Variants in TANC2 observed in about 807,000 individuals in gnomAD.
TANC2 encodes the protein protein TANC2.
Under a neutral mutation model 210.5 loss-of-function variants are expected in TANC2, and 26 were observed. The ratio of observed to expected loss-of-function variants is 0.12; its 90% CI spans 0.09 to 0.17. The LOEUF (loss-of-function observed/expected upper bound fraction) is 0.17. Ranked by LOEUF, TANC2 falls within the 10% of genes least tolerant of loss-of-function variation. The pLI is 1.00. For synonymous variants in TANC2, 931 were observed against 967.1 expected, an observed-to-expected ratio of 0.96 and a Z score of 0.69; for missense variants, 2,129 against 2,608.9, an observed-to-expected ratio of 0.82 and a Z score of 4.01.
intron 7 of TANC2, among the ~76,000 whole-genome samples, chr17:63,209,248 A>G (rs908657883): frequency 9.9e-5 from 15 of 152,012 alleles, no homozygotes; most frequent in African/African-American, 3.4e-4. Context: ...CCTGGGCTCA[A>G]GCAGTCCGCC....
At chr17:63,142,279 GT>G (rs2039316516) in intron 4 of TANC2, among the ~76,000 whole-genome samples, 1 of 152,074 alleles carries the variant, frequency 6.6e-6, no homozygotes, top group African/African-American at 2.4e-5. Flanking sequence ...TTATTTACTT[GT>G]TATAAATCTA....
At chr17:63,148,674 A>G (rs2145379248) in intron 4 of TANC2, 1 of 152,200 alleles carries the variant, frequency 6.6e-6, no homozygotes, top group African/African-American at 2.4e-5. Context: ...GATTGTTCCT[A>G]CCCATCTCAT....
chr17:63,104,690 C>G (rs1220430884), intron 4 of TANC2, among the ~76,000 whole-genome samples: 2 of 152,176 alleles, frequency 1.3e-5, no homozygotes, highest in African/African-American at 4.8e-5. Context: ...TACACACATG[C>G]ATGCGTTTGT....
intron 2 of TANC2, among the ~76,000 whole-genome samples, chr17:63,010,727 A>G (rs2033829826): frequency 6.6e-6 from 1 of 152,172 alleles, no homozygotes; most frequent in Non-Finnish European, 1.5e-5. Flanking sequence ...ATTTGTTAGA[A>G]TGGTGCACAC....
intron 12 of TANC2, among the ~76,000 whole-genome samples, chr17:63,349,836 C>T (rs17687185): frequency 0.021 from 3,166 of 152,214 alleles, 42 homozygotes; most frequent in South Asian, 0.038. Flanking sequence ...CCAGTTAGTT[C>T]CAAGCAACTC....
chr17:63,415,974 C>G (rs1445669185), intron 26 of TANC2, among the ~76,000 whole-genome samples: 1 of 152,176 alleles, frequency 6.6e-6, no homozygotes, highest in African/African-American at 2.4e-5. Flanking sequence ...GTGTTCTGGT[C>G]TTTGGGAAAA....
chr17:63,241,403 T>TG (rs558579044), intron 8 of TANC2, among the ~76,000 whole-genome samples: 15 of 152,118 alleles, frequency 9.9e-5, no homozygotes, highest in Non-Finnish European at 1.8e-4. Context: ...GGGAAAAAAA[T>TG]GGAGATTTTA....
chr17:63,288,982 G>T (rs758211821), intron 9 of TANC2, among the ~76,000 whole-genome samples: 114 of 152,192 alleles, frequency 7.5e-4, no homozygotes, highest in Non-Finnish European at 1.3e-3. Flanking sequence ...GGTTGGTGGG[G>T]TTTTCTCTCA....
rs1393530295 is a variant in TANC2 at position 63,057,173 on chromosome 17, C to T, written c.68-16770C>T. The stretch of plus-strand genomic sequence containing the variant: ...AAACAGAGAATGCAATGCATATATG[C>T]CATTTTATCCACATAGAAAAATAAG... On this transcript the variant is annotated intron_variant, in intron 2 of 27. Coordinates refer to ENST00000689528, the Ensembl canonical transcript of TANC2. Among the ~76,000 whole-genome samples, 3 of 151,774 alleles carry T rather than the reference C, an allele frequency of 2.0e-5. No homozygotes were observed. In the South Asian group the frequency reaches 6.2e-4, roughly 32 times the overall value.
At chr17:63,137,424 A>G (rs2039127935) in intron 4 of TANC2, among the ~76,000 whole-genome samples, 1 of 152,194 alleles carries the variant, frequency 6.6e-6, no homozygotes, top group African/African-American at 2.4e-5. Flanking sequence ...TTTCTTTTCA[A>G]ATGTGTTTCC....
At chr17:63,277,908 G>A (rs903674561) in intron 9 of TANC2, among the ~76,000 whole-genome samples, 3 of 151,986 alleles carry the variant, frequency 2.0e-5, no homozygotes, top group East Asian at 1.9e-4. Flanking sequence ...ACAGTGGATC[G>A]TGCCTGTATT....
At chr17:63,279,609 C>T (rs1180797565) in intron 9 of TANC2, among the ~76,000 whole-genome samples, 1 of 152,024 alleles carries the variant, frequency 6.6e-6, no homozygotes, top group Non-Finnish European at 1.5e-5. Context: ...AAATACTAAA[C>T]TCCTGAAACC....
At position 63,411,986 on chromosome 17, in the gene TANC2, T is replaced by A; in HGVS notation, c.3766-12T>A. 1 of 1,613,846 alleles carries A rather than the reference T, an allele frequency of 6.2e-7. No homozygotes were observed. The highest frequency in any genetic ancestry group is 8.5e-7 in the Non-Finnish European group (1 of 1,179,828). On this transcript the variant is annotated splice_polypyrimidine_tract_variant and intron_variant, in intron 22 of 27. Coordinates refer to ENST00000689528, the Ensembl canonical transcript of TANC2. Reference sequence around the variant, plus strand: ...CGCCTGTCCTAACTTCTCTGCTTGATCCGTGTCCTAGGTCCAGTTCCTGGT... The same window carrying A: ...CGCCTGTCCTAACTTCTCTGCTTGAACCGTGTCCTAGGTCCAGTTCCTGGT...
chr17:63,007,753 CT>C (rs1390950236), intron 1 of TANC2, among the ~76,000 whole-genome samples: 1 of 151,980 alleles, frequency 6.6e-6, no homozygotes, highest in Non-Finnish European at 1.5e-5. Context: ...CATTTTAAAT[CT>C]ATATATTTTA....
At chr17:62,967,529 G>A (rs943640726) in intron 1 of TANC2, 1 of 152,150 alleles carries the variant, frequency 6.6e-6, no homozygotes, top group Admixed American at 6.5e-5. Context: ...TGTTTCGGGT[G>A]TCTTTCACTC....
At chr17:62,975,277 G>A (rs1314628652) in intron 1 of TANC2, among the ~76,000 whole-genome samples, 1 of 152,082 alleles carries the variant, frequency 6.6e-6, no homozygotes, top group Non-Finnish European at 1.5e-5. Flanking sequence ...TTCTAGTTGT[G>A]GTTGCTGAAA....
At chr17:63,215,746 TTTA>T (rs1489837211) in intron 7 of TANC2, among the ~76,000 whole-genome samples, 1 of 151,882 alleles carries the variant, frequency 6.6e-6, no homozygotes, top group Non-Finnish European at 1.5e-5. Context: ...TTATTTTTAT[TTTA>T]TTATTATTTT....
intron 8 of TANC2, among the ~76,000 whole-genome samples, chr17:63,250,421 A>G (rs537853819): frequency 6.6e-6 from 1 of 152,188 alleles, no homozygotes; most frequent in South Asian, 2.1e-4. Flanking sequence ...ATTTAATCTG[A>G]CAGAACTATC....
chr17:63,150,272 A>G (rs563522482), intron 4 of TANC2: 1 of 152,306 alleles, frequency 6.6e-6, no homozygotes, highest in African/African-American at 2.4e-5. Flanking sequence ...TTCAGATTCA[A>G]CTAATACTTT....
Sources: allele counts gnomAD v4.1 joint callset (sites outside exome capture counted in the v4.1 genomes callset), GRCh38; gene constraint gnomAD v4.1.1; transcripts MANE v1.5; gene names NCBI Gene and HGNC (gene_info 2026-07-23, HGNC 2026-07-21).